CDH18: variants seen among roughly 807,000 people sequenced by gnomAD.
The protein encoded by CDH18 is cadherin 18.
A neutral mutation model predicts 67.9 loss-of-function variants in CDH18; 31 were observed. That is an observed-to-expected ratio of 0.46 (90% CI 0.34 to 0.62). The LOEUF is 0.62. Ranked by LOEUF, CDH18 falls within the 20% of genes least tolerant of loss-of-function variation. CDH18 has a pLI of 0.01. For synonymous variants in CDH18, 362 were observed against 347.2 expected (o/e 1.04, Z -0.48); for missense variants, 890 against 975.5 (o/e 0.91, Z 1.17).
chr5:20,119,119 T>G (rs1038550512), intron 2 of CDH18, among the ~76,000 whole-genome samples: 3 of 152,166 alleles, frequency 2.0e-5, no homozygotes, highest in African/African-American at 7.2e-5. Flanking sequence ...CCTCTACTTT[T>G]GTAGATTTTC....
intron 9 of CDH18, among the ~76,000 whole-genome samples, chr5:19,530,924 C>T (rs186060660): frequency 7.7e-4 from 117 of 152,260 alleles, no homozygotes; most frequent in Admixed American, 3.7e-3. Context: ...AATGCCTCGC[C>T]CTGCTTCGGC....
chr5:20,121,317 G>A (rs1748332345), intron 2 of CDH18, among the ~76,000 whole-genome samples: 1 of 152,136 alleles, frequency 6.6e-6, no homozygotes, highest in Non-Finnish European at 1.5e-5. Flanking sequence ...GAGGCTACAG[G>A]AAGGATTAAA....
At chr5:19,495,488 C>T (rs1359568324) in intron 11 of CDH18, among the ~76,000 whole-genome samples, 1 of 151,918 alleles carries the variant, frequency 6.6e-6, no homozygotes, top group African/African-American at 2.4e-5. Context: ...CACCTGTAAT[C>T]CCAGCACTTT....
chr5:19,991,718 A>T (rs1799986420), upstream of CDH18, among the ~76,000 whole-genome samples: 1 of 152,162 alleles, frequency 6.6e-6, no homozygotes, highest in Non-Finnish European at 1.5e-5. Flanking sequence ...AGAATTACAG[A>T]GTAGGACAGG....
intron 2 of CDH18, among the ~76,000 whole-genome samples, chr5:20,191,312 CT>C (rs1738518815): frequency 6.6e-6 from 1 of 151,936 alleles, no homozygotes; most frequent in African/African-American, 2.4e-5. Flanking sequence ...TTAAGTAATC[CT>C]GCTTCTCCTT....
intron 3 of CDH18, among the ~76,000 whole-genome samples, chr5:19,778,756 T>A (rs966751418): frequency 3.3e-5 from 5 of 152,014 alleles, no homozygotes; most frequent in African/African-American, 1.2e-4. Flanking sequence ...TAAAAAAAAA[T>A]TTAAGGCTTT....
At chr5:19,663,957 T>C (rs183189689) in intron 5 of CDH18, among the ~76,000 whole-genome samples, 56 of 151,726 alleles carry the variant, frequency 3.7e-4, no homozygotes, top group African/African-American at 1.2e-3. Context: ...AAAGTTTAAA[T>C]AGAAAAAATA....
intron 2 of CDH18, among the ~76,000 whole-genome samples, chr5:20,121,960 G>A (rs781035741): frequency 3.9e-5 from 6 of 152,094 alleles, no homozygotes; most frequent in Non-Finnish European, 7.3e-5. Flanking sequence ...AAATGCACAC[G>A]GAATGTGGGC....
At chr5:20,449,868 G>C (rs6884307) in intron 1 of CDH18, among the ~76,000 whole-genome samples, 73 of 151,860 alleles carry the variant, frequency 4.8e-4, no homozygotes, top group African/African-American at 1.7e-3. Flanking sequence ...ATGAGTAAAC[G>C]TTGATAATTT....
intron 3 of CDH18, among the ~76,000 whole-genome samples, chr5:19,758,912 A>T (rs970274102): frequency 6.6e-6 from 1 of 152,232 alleles, no homozygotes; most frequent in African/African-American, 2.4e-5. Flanking sequence ...GACCAGTGTG[A>T]TATCTTGCAG....
chr5:19,984,205 A>C (rs550883095), intron 1 of CDH18, among the ~76,000 whole-genome samples: 1 of 152,144 alleles, frequency 6.6e-6, no homozygotes, highest in East Asian at 1.9e-4. Flanking sequence ...GTATATCACT[A>C]TATCTTTCTA....
intron 2 of CDH18, among the ~76,000 whole-genome samples, chr5:20,170,191 C>T (rs1341585342): frequency 6.6e-6 from 1 of 151,880 alleles, no homozygotes; most frequent in South Asian, 2.1e-4. Context: ...CCCCACCCCC[C>T]GACAGGCCCC....
chr5:20,039,173 C>T (rs190341590), intron 2 of CDH18, among the ~76,000 whole-genome samples: 41 of 152,192 alleles, frequency 2.7e-4, no homozygotes, highest in Non-Finnish European at 2.9e-5. Context: ...AACTACAAAC[C>T]ACTGCTCAAG....
chr5:19,964,803 A>C (rs1797268257), intron 2 of CDH18, among the ~76,000 whole-genome samples: 1 of 152,194 alleles, frequency 6.6e-6, no homozygotes, highest in Admixed American at 6.5e-5. Context: ...AATACAAAAC[A>C]ATTTGAACAA....
chr5:20,015,298 G>A (rs1007274854), intron 2 of CDH18, among the ~76,000 whole-genome samples: 4 of 152,064 alleles, frequency 2.6e-5, no homozygotes, highest in African/African-American at 9.7e-5. Flanking sequence ...AGATAAATAA[G>A]AATCAGAGCT....
chr5:19,640,694 G>A (rs750258021), intron 5 of CDH18, among the ~76,000 whole-genome samples: 1 of 151,904 alleles, frequency 6.6e-6, no homozygotes, highest in African/African-American at 2.4e-5. Flanking sequence ...AGCAAAAGCA[G>A]TCCCAAGAAG....
At chr5:20,052,802 A>C (rs1397837123) in intron 2 of CDH18, among the ~76,000 whole-genome samples, 1 of 152,114 alleles carries the variant, frequency 6.6e-6, no homozygotes, top group African/African-American at 2.4e-5. Context: ...TGCTCCAAAG[A>C]ATGTCATAAA....
chr5:20,051,106 T>C (rs990239359), intron 2 of CDH18, among the ~76,000 whole-genome samples: 8 of 152,064 alleles, frequency 5.3e-5, no homozygotes, highest in Non-Finnish European at 1.2e-4. Flanking sequence ...TCGTGGCTAG[T>C]GTGTTTATAA....
chr5:19,552,215 T>C (rs545669046), intron 8 of CDH18, among the ~76,000 whole-genome samples: 1 of 152,294 alleles, frequency 6.6e-6, no homozygotes, highest in African/African-American at 2.4e-5. Context: ...ATTCGGGAAA[T>C]AATTGTTTTC....
Sources: allele counts gnomAD v4.1 joint callset (sites outside exome capture counted in the v4.1 genomes callset), GRCh38; gene constraint gnomAD v4.1.1; transcripts MANE v1.5; gene names NCBI Gene and HGNC (gene_info 2026-07-23, HGNC 2026-07-21).